Variants in PLD5 observed in about 807,000 individuals in gnomAD.
PLD5 encodes the protein inactive phospholipase D5.
Under a neutral mutation model 61.1 loss-of-function variants are expected in PLD5, and 36 were observed. The observed-to-expected ratio is 0.59, with a 90% CI of 0.45 to 0.78. The LOEUF is 0.78. Ranked by LOEUF, PLD5 falls within the 30% of genes least tolerant of loss-of-function variation. The pLI is 0.00. For synonymous variants in PLD5, 243 were observed against 242.8 expected (o/e 1.00, Z -0.01); for missense variants, 515 against 644.4 (o/e 0.80, Z 2.17).
intron 5 of PLD5, among the ~76,000 whole-genome samples, chr1:242,187,670 C>T (rs148120908): frequency 6.6e-6 from 1 of 152,194 alleles, no homozygotes; most frequent in African/African-American, 2.4e-5. Context: ...CAGGCTGTTC[C>T]CTTTTCTTTC....
At chr1:242,135,950 A>G (rs995125543) in intron 5 of PLD5, among the ~76,000 whole-genome samples, 1 of 152,010 alleles carries the variant, frequency 6.6e-6, no homozygotes, top group African/African-American at 2.4e-5. Context: ...TTTAGCATGC[A>G]GAGCATTGGC....
chr1:242,175,203 T>C (rs548009662), intron 5 of PLD5, among the ~76,000 whole-genome samples: 58 of 152,184 alleles, frequency 3.8e-4, no homozygotes, highest in African/African-American at 1.3e-3. Flanking sequence ...AAATCCTCAA[T>C]AAAATACTGA....
intron 1 of PLD5, among the ~76,000 whole-genome samples, chr1:242,366,199 T>C (rs138391605): frequency 7.9e-5 from 12 of 152,344 alleles, no homozygotes; most frequent in African/African-American, 2.9e-4. Context: ...TTCATTTATT[T>C]AGCAAATATG....
At chr1:242,210,939 G>C (rs779784185) in intron 5 of PLD5, 1 of 152,224 alleles carries the variant, frequency 6.6e-6, no homozygotes, top group Non-Finnish European at 1.5e-5. Context: ...CTCTGTGAAG[G>C]CTGAGAGAGG....
chr1:242,094,527 A>T (rs568694270), intron 9 of PLD5, among the ~76,000 whole-genome samples: 1 of 152,168 alleles, frequency 6.6e-6, no homozygotes, highest in Non-Finnish European at 1.5e-5. Flanking sequence ...AGATCAGAAC[A>T]TGCTGATAAT....
At chr1:242,095,000 A>ACG (rs57189098) in intron 9 of PLD5, among the ~76,000 whole-genome samples, 1 of 150,916 alleles carries the variant, frequency 6.6e-6, no homozygotes, top group African/African-American at 2.4e-5. Flanking sequence ...GTGCAGTGGC[A>ACG]ATCTCGGCTC....
In PLD5 at chr1:242,113,909, A is replaced by G; in HGVS notation, c.1051T>C (p.Ser351Pro). 1 of 1,613,436 alleles carries G rather than the reference A, an allele frequency of 6.2e-7. No homozygotes were observed. Among genetic ancestry groups the G allele is most frequent in the Non-Finnish European group, 8.5e-7 (1 of 1,179,698 alleles). ...YIAVMDYLPISSTSTKRTYWP... is the reference protein window; with the variant it reads ...YIAVMDYLPIPSTSTKRTYWP... ...ACTGACCTTTTGGTGCTTGTGCTGG[A>G]GATAGGCAGGTAGTCCATGACAGCG... Residue 351 changes from serine (S) to proline (P), a missense_variant, in exon 7 of 10, where the codon TCC (serine) becomes CCC (proline). By Grantham distance (74) the Ser-to-Pro change is moderately conservative. This residue lies in a region of PLD5 where 450 missense variants were observed against 598.1 expected (regional missense o/e 0.75). Transcript: ENST00000536534.
chr1:242,405,571 G>A (rs569843048), intron 1 of PLD5, among the ~76,000 whole-genome samples: 2 of 150,826 alleles, frequency 1.3e-5, no homozygotes, highest in African/African-American at 2.4e-5. Context: ...GAACTGTTAC[G>A]TTGCACCATA....
intron 4 of PLD5, among the ~76,000 whole-genome samples, chr1:242,247,271 C>T (rs1413107454): frequency 6.6e-6 from 1 of 152,168 alleles, no homozygotes; most frequent in Non-Finnish European, 1.5e-5. Flanking sequence ...CGTGAGCCAC[C>T]GCGCCCGGCC....
At chr1:242,100,568 C>A in intron 9 of PLD5, 100 bp downstream of exon 9, 1 of 821,644 alleles carries the variant, frequency 1.2e-6, no homozygotes, top group East Asian at 2.4e-5. Context: ...CAGTGGTTCC[C>A]AAGGCCTTGC....
chr1:242,104,791 G>C lies in PLD5; in HGVS notation c.1239+2880C>G, dbSNP rs1660924416. 2.0e-5 allele frequency among the ~76,000 whole-genome samples: 3 copies of C among 152,286 alleles called. No homozygotes were observed. In the South Asian group the frequency reaches 6.2e-4, roughly 32 times the overall value. ...CTGCCTTGGACTCCCAAAACACTGG[G>C]ACTACAGGCATAAGCCACATGTCTG... On this transcript the variant is annotated intron_variant, in intron 8 of 9. Coordinates refer to ENST00000536534, the MANE Select transcript of PLD5 (RefSeq NM_001372062.1).
At chr1:242,193,268 C>T (rs74604449) in intron 5 of PLD5, among the ~76,000 whole-genome samples, 4 of 151,918 alleles carry the variant, frequency 2.6e-5, no homozygotes, top group Non-Finnish European at 4.4e-5. Context: ...CTGAAGATAA[C>T]GTAGAGAAAA....
chr1:242,104,283 C>T (rs1322382635), intron 8 of PLD5, among the ~76,000 whole-genome samples: 2 of 149,160 alleles, frequency 1.3e-5, no homozygotes, highest in Admixed American at 1.3e-4. Context: ...ACCACCACAC[C>T]TGGCTAGTTT....
chr1:242,513,834 G>A (rs1380357365), intron 1 of PLD5, among the ~76,000 whole-genome samples: 1 of 152,196 alleles, frequency 6.6e-6, no homozygotes, highest in Non-Finnish European at 1.5e-5. Flanking sequence ...CACATCCGTG[G>A]CACTCAATAA....
chr1:242,116,653 G>T, intron 6 of PLD5, among the ~76,000 whole-genome samples: 1 of 148,512 alleles, frequency 6.7e-6, no homozygotes, highest in East Asian at 2.0e-4. Context: ...ACTTATAAGT[G>T]AGAACATGGT....
intron 5 of PLD5, among the ~76,000 whole-genome samples, chr1:242,180,984 A>G (rs1179288677): frequency 6.6e-6 from 1 of 151,966 alleles, no homozygotes; most frequent in Non-Finnish European, 1.5e-5. Context: ...CTAGGTCTCA[A>G]AAAACAAACA....
chr1:242,195,147 T>G (rs1056874488), intron 5 of PLD5, among the ~76,000 whole-genome samples: 10 of 152,216 alleles, frequency 6.6e-5, no homozygotes, highest in Non-Finnish European at 1.5e-4. Flanking sequence ...AAGACTTTTC[T>G]AACAAAAAGA....
chr1:242,331,979 C>T (rs907905025), intron 2 of PLD5, among the ~76,000 whole-genome samples: 28 of 147,626 alleles, frequency 1.9e-4, no homozygotes, highest in African/African-American at 5.0e-4. Context: ...GGTGGTTTGC[C>T]GCACCCATCA....
intron 5 of PLD5, among the ~76,000 whole-genome samples, chr1:242,132,245 AAG>A (rs1271388189): frequency 7.2e-6 from 1 of 139,362 alleles, no homozygotes; most frequent in African/African-American, 2.7e-5. Context: ...AGGCAGCATA[AAG>A]AGAGACAGAG....
Sources: allele counts gnomAD v4.1 joint callset (sites outside exome capture counted in the v4.1 genomes callset), GRCh38; gene constraint gnomAD v4.1.1; regional missense constraint gnomAD v4.1.1; transcripts MANE v1.5; gene names NCBI Gene and HGNC (gene_info 2026-07-23, HGNC 2026-07-21).